ACTR3C: variants seen among roughly 807,000 people sequenced by gnomAD.
ACTR3C encodes actin-related protein 3C.
A neutral mutation model predicts 26.3 loss-of-function variants in ACTR3C; 18 were observed. The ratio of observed to expected loss-of-function variants is 0.68; its 90% CI spans 0.47 to 1.01. The LOEUF is 1.01. Ranked by LOEUF, ACTR3C falls within the 50% of genes least tolerant of loss-of-function variation. The pLI, the probability that ACTR3C is intolerant of heterozygous loss-of-function variation, is 0.00. For missense variants in ACTR3C, 184 were observed against 250.7 expected, an observed-to-expected ratio of 0.73 and a Z score of 1.80; for synonymous variants, 55 against 94.5, an observed-to-expected ratio of 0.58 and a Z score of 2.42.
the ACTR3C span, among the ~76,000 whole-genome samples, chr7:150,034,375 T>C: frequency 2.0e-5 from 3 of 151,642 alleles, no homozygotes; most frequent in Admixed American, 6.6e-5. Flanking sequence ...AAAGGCTTTG[T>C]CAGATCGGGT....
At chr7:150,092,220 T>G in the ACTR3C span, among the ~76,000 whole-genome samples, 2 of 136,890 alleles carry the variant, frequency 1.5e-5, no homozygotes, top group African/African-American at 5.3e-5. Context: ...CTTCAGTCAT[T>G]GAAGACTTGA....
chr7:149,899,120 G>T, the ACTR3C span, among the ~76,000 whole-genome samples: 4 of 151,306 alleles, frequency 2.6e-5, no homozygotes, highest in Non-Finnish European at 5.9e-5. Context: ...AGTAGTGTCA[G>T]AAAAGACTTG....
At chr7:150,039,469 A>G in the ACTR3C span, among the ~76,000 whole-genome samples, 3 of 69,258 alleles carry the variant, frequency 4.3e-5, no homozygotes, top group African/African-American at 4.4e-5. Flanking sequence ...ACTCACAGCC[A>G]GGGGCGGAAG....
chr7:149,978,956 G>A, the ACTR3C span, among the ~76,000 whole-genome samples: 1 of 151,794 alleles, frequency 6.6e-6, no homozygotes, highest in Non-Finnish European at 1.5e-5. Context: ...ACGGTACTGG[G>A]TCCTACCGTG....
chr7:150,230,074 A>G, the ACTR3C span, among the ~76,000 whole-genome samples: 1 of 150,592 alleles, frequency 6.6e-6, no homozygotes. Flanking sequence ...AAAATACAAA[A>G]ATAAGCCAGG....
chr7:150,264,977 T>C (rs1470774058), intron 6 of ACTR3C: 5 of 691,424 alleles, frequency 7.2e-6, no homozygotes, highest in Non-Finnish European at 8.9e-6. Context: ...TAACTCCACC[T>C]TCTTAAGACA....
At chr7:149,936,357 G>A in the ACTR3C span, among the ~76,000 whole-genome samples, 3 of 152,100 alleles carry the variant, frequency 2.0e-5, no homozygotes, top group Non-Finnish European at 4.4e-5. Flanking sequence ...ATCCTCTCAC[G>A]GCCATGTGTC....
At chr7:149,972,299 A>C in the ACTR3C span, among the ~76,000 whole-genome samples, 1 of 152,238 alleles carries the variant, frequency 6.6e-6, no homozygotes, top group African/African-American at 2.4e-5. Flanking sequence ...TCCATCAGGA[A>C]ATTCTACATA....
chr7:150,099,770 C>T, the ACTR3C span, among the ~76,000 whole-genome samples: 9 of 151,384 alleles, frequency 5.9e-5, no homozygotes, highest in Non-Finnish European at 1.2e-4. Flanking sequence ...TGGGCCCGGG[C>T]GGCAGATACC....
chr7:149,914,610 A>G, the ACTR3C span, among the ~76,000 whole-genome samples: 1 of 151,830 alleles, frequency 6.6e-6, no homozygotes, highest in African/African-American at 2.4e-5. Flanking sequence ...TAGTAAAAAA[A>G]AAAAAAATCT....
chr7:150,044,545 T>C, the ACTR3C span, among the ~76,000 whole-genome samples: 1 of 152,216 alleles, frequency 6.6e-6, no homozygotes, highest in Admixed American at 6.5e-5. Context: ...GTCCCTTTGT[T>C]GCCTGTGTAG....
chr7:150,292,725 G>A (rs1218246579), intron 3 of ACTR3C, among the ~76,000 whole-genome samples: 6 of 152,164 alleles, frequency 3.9e-5, no homozygotes, highest in East Asian at 1.9e-4. Context: ...TCGAATTCCC[G>A]ACCTCAGGTG....
At chr7:150,076,741 T>C in the ACTR3C span, 1 of 151,836 alleles carries the variant, frequency 6.6e-6, no homozygotes, top group South Asian at 2.1e-4. Flanking sequence ...TAAATTCTAA[T>C]AATTGAATTT....
At chr7:150,125,908 C>A in the ACTR3C span, among the ~76,000 whole-genome samples, 1 of 152,188 alleles carries the variant, frequency 6.6e-6, no homozygotes, top group East Asian at 1.9e-4. Context: ...GAAAAACACT[C>A]CAGAGTGACA....
the ACTR3C span, among the ~76,000 whole-genome samples, chr7:150,183,558 T>C: frequency 1.3e-5 from 2 of 149,824 alleles, no homozygotes; most frequent in Non-Finnish European, 2.9e-5. Flanking sequence ...AATTACTCTC[T>C]GATCATCAGC....
At chr7:149,967,486 C>T in the ACTR3C span, among the ~76,000 whole-genome samples, 5 of 152,104 alleles carry the variant, frequency 3.3e-5, no homozygotes, top group African/African-American at 1.2e-4. Flanking sequence ...TCTATGTTTT[C>T]AAAAGGTTAA....
At chr7:150,201,346 C>T in the ACTR3C span, among the ~76,000 whole-genome samples, 2 of 152,188 alleles carry the variant, frequency 1.3e-5, no homozygotes, top group Non-Finnish European at 2.9e-5. Flanking sequence ...AAAGAAACTC[C>T]AATGTGGAAT....
the ACTR3C span, among the ~76,000 whole-genome samples, chr7:149,938,684 A>G: frequency 6.6e-6 from 1 of 152,134 alleles, no homozygotes; most frequent in Non-Finnish European, 1.5e-5. Flanking sequence ...AACCCCTCCA[A>G]GATCTGAAAG....
the ACTR3C span, among the ~76,000 whole-genome samples, chr7:149,987,975 T>C: frequency 6.6e-6 from 1 of 152,240 alleles, no homozygotes; most frequent in Non-Finnish European, 1.5e-5. Context: ...TCTAATCTCA[T>C]GTAATAACTT....
Sources: gnomAD v4.1 joint callset for allele counts (sites outside exome capture counted in the v4.1 genomes callset) on GRCh38, gnomAD v4.1.1 for gene constraint, MANE v1.5 for transcripts, NCBI Gene and HGNC (gene_info 2026-07-23, HGNC 2026-07-21) for gene names.